Variants in VPS13D observed in about 807,000 individuals in gnomAD.
VPS13D encodes intermembrane lipid transfer protein VPS13D.
VPS13D carries 187 observed loss-of-function variants against 461.9 expected under a neutral mutation model. The ratio of observed to expected loss-of-function variants is 0.40; its 90% confidence interval spans 0.36 to 0.46. The LOEUF is 0.46. VPS13D is among the 20% of genes least tolerant of loss of function. VPS13D has a pLI of 0.60. For missense variants in VPS13D, 4,711 were observed against 5,364.9 expected, an observed-to-expected ratio of 0.88 and a Z score of 3.81; for synonymous variants, 1,951 against 1,986.3, an observed-to-expected ratio of 0.98 and a Z score of 0.47.
At position 12,338,281 on chromosome 1, in the gene VPS13D, C is replaced by T; in HGVS notation, c.8602C>T (p.Leu2868=). 14 of 1,613,740 alleles carry T rather than the reference C, an allele frequency of 8.7e-6. No homozygotes were observed. Among genetic ancestry groups the T allele is most frequent in the Non-Finnish European group, 1.2e-5 (14 of 1,179,748 alleles). The part of the protein sequence containing the change: ...RTRSTASLTN[L]EHQIYARAEV... ...TAGGAGTACAGCCAGTCTGACTAAC[C>T]TAGAGCACCAGATCTATGCTAGAGG... The change falls in exon 40 of 70, where the codon CTA becomes TTA. Residue 2868 remains leucine, a synonymous_variant. Transcript: ENST00000620676.
At chr1:12,238,724 T>G (rs939049513) in intron 2 of VPS13D, among the ~76,000 whole-genome samples, 3 of 151,796 alleles carry the variant, frequency 2.0e-5, no homozygotes, top group Non-Finnish European at 4.4e-5. Context: ...CTCGAACTTT[T>G]GGCGATCCTG....
chr1:12,393,038 G>A (rs910993148), intron 60 of VPS13D, among the ~76,000 whole-genome samples: 3 of 152,174 alleles, frequency 2.0e-5, no homozygotes, highest in Non-Finnish European at 4.4e-5. Flanking sequence ...GGGACCAAAC[G>A]CAGCAACACC....
chr1:12,500,383 GA>G (rs1236006007), intron 68 of VPS13D: 31 of 295,424 alleles, frequency 1.0e-4, no homozygotes, highest in African/African-American at 6.8e-4. Flanking sequence ...CCTATATGGT[GA>G]AATTAATTTT....
chr1:12,276,501 T>C lies in VPS13D; in HGVS notation c.2913T>C (p.Asn971=), dbSNP rs1557680231. ...VNCMQLGVES[N]GRYISVLKVF... ...GTATGCAGCTTGGTGTTGAGAGCAA[T>C]GGCCGGTACATTTCTGTGCTCAAGG... is the stretch of plus-strand genomic sequence containing the variant. Residue 971 remains asparagine (N), a synonymous_variant, in exon 19 of 70, where the codon AAT becomes AAC. Coordinates refer to ENST00000620676, the MANE Select transcript of VPS13D (RefSeq NM_015378.4). This position sits in a 1 kb window ranked among gnomAD's most constrained non-coding sequence, Gnocchi z 4.5. 2 of 1,614,140 alleles carry C rather than the reference T, an allele frequency of 1.2e-6. No individual in the cohort carries two copies. Among genetic ancestry groups the C allele is most frequent in the African/African-American group, 2.7e-5 (2 of 75,034 alleles).
At chr1:12,447,046 G>A (rs999713690) in intron 65 of VPS13D, among the ~76,000 whole-genome samples, 2 of 152,136 alleles carry the variant, frequency 1.3e-5, no homozygotes, top group African/African-American at 4.8e-5. Context: ...TCTGAGTTAC[G>A]GATATGGATC....
intron 58 of VPS13D, among the ~76,000 whole-genome samples, chr1:12,384,360 A>C (rs1485811497): frequency 6.6e-6 from 1 of 152,214 alleles, no homozygotes; most frequent in Non-Finnish European, 1.5e-5. Flanking sequence ...CAGATCACTA[A>C]GGGATGAACA....
At chr1:12,414,497 T>C (rs981480928) in intron 63 of VPS13D, among the ~76,000 whole-genome samples, 1 of 139,188 alleles carries the variant, frequency 7.2e-6, no homozygotes, top group Admixed American at 7.0e-5. Context: ...ATGTTGTCTA[T>C]GAGAAGCCAC....
Position 12,341,865 on chromosome 1 carries a change from C to T in VPS13D, c.8712C>T (p.Thr2904=). ...CGGGGTGCACTTTGTGGTTTGCCACCCTGACCACCACACCCACCAGGTAAG... is the reference window on the plus strand; with the variant it reads ...CGGGGTGCACTTTGTGGTTTGCCACTCTGACCACCACACCCACCAGGTAAG... ...NHTGCTLWFA[T]LTTTPTRAAL... is the part of the protein sequence containing the mutation. The change falls in exon 41 of 70, where the codon ACC becomes ACT. Residue 2904 remains threonine (T), a synonymous_variant. Coordinates refer to ENST00000620676, the MANE Select transcript of VPS13D (RefSeq NM_015378.4). 6 of 1,614,006 alleles carry T rather than the reference C, an allele frequency of 3.7e-6. No homozygotes were observed. The highest frequency in any genetic ancestry group is 5.1e-6 in the Non-Finnish European group (6 of 1,179,974).
In VPS13D at chr1:12,373,843, C is replaced by A; in HGVS notation, c.10902C>A (p.Val3634=). 3.7e-6 allele frequency: 6 copies of A among 1,605,360 alleles called. No individual in the cohort carries two copies. The South Asian group carries it at 5.5e-5, about 15-fold the overall frequency. The change falls in exon 55 of 70, where the codon GTC becomes GTA. Residue 3634 remains valine (V), a synonymous_variant. Transcript: ENST00000620676. The stretch of plus-strand genomic sequence containing the variant: ...ATGTCTCACCCAAGACACAAAGAGT[C>A]ATTTTAAAAAAGAAGGTAAGAGAGC... ...VLDVSPKTQR[V]ILKKKEPGKR...
chr1:12,363,445 T>C (rs1305653953), intron 52 of VPS13D, among the ~76,000 whole-genome samples, 198 bp downstream of exon 52: 1 of 152,168 alleles, frequency 6.6e-6, no homozygotes, highest in East Asian at 1.9e-4. Context: ...TTGACCATGG[T>C]GTAATTGCTG....
In VPS13D at chr1:12,283,408, A is replaced by G. The variant is rs954626231; in HGVS notation, c.5306A>G (p.Asp1769Gly). 1 of 1,614,096 alleles carries G rather than the reference A, an allele frequency of 6.2e-7. No homozygotes were observed. Among genetic ancestry groups the G allele is most frequent in the Non-Finnish European group, 8.5e-7 (1 of 1,180,040 alleles). ...ACCCCACCTCCTTCTCCAACAGTGG[A>G]TGAGCCCAAGATACTTGTTGGAAAG... ...PLTPPPSPTVDEPKILVGKSK... is the reference protein window; with the variant it reads ...PLTPPPSPTVGEPKILVGKSK... Residue 1769 changes from aspartate to glycine, a missense_variant, in exon 21 of 70, where the codon GAT (aspartate) becomes GGT (glycine). This residue lies in a region of VPS13D where 4,411 missense variants were observed against 4,937.8 expected (regional missense o/e 0.89). Transcript: ENST00000620676.
intron 52 of VPS13D, among the ~76,000 whole-genome samples, chr1:12,363,953 A>C (rs1356727431): frequency 1.4e-4 from 1 of 7,076 alleles, no homozygotes; most frequent in African/African-American, 3.2e-4. Context: ...CTCTATCTCA[A>C]AAAAAAAAAA....
intron 44 of VPS13D, among the ~76,000 whole-genome samples, chr1:12,347,765 T>C (rs1643707360): frequency 6.6e-6 from 1 of 152,234 alleles, no homozygotes; most frequent in Admixed American, 6.5e-5. Context: ...TAAAAAGCAT[T>C]GTTAATATGT....
chr1:12,347,449 T>C (rs1349098612), intron 44 of VPS13D, among the ~76,000 whole-genome samples: 1 of 152,162 alleles, frequency 6.6e-6, no homozygotes, highest in East Asian at 1.9e-4. Context: ...GGATTACAGG[T>C]GTGAGCCAAC....
intron 28 of VPS13D, 90 bp from the exon 29 acceptor site, chr1:12,311,723 A>T (rs1642756497): frequency 3.8e-6 from 6 of 1,581,762 alleles, no homozygotes; most frequent in Non-Finnish European, 5.2e-6. Context: ...AAGAAGGTGG[A>T]GCAACAAGCA....
intron 16 of VPS13D, among the ~76,000 whole-genome samples, chr1:12,270,623 C>CG (rs1052312099): frequency 2.6e-5 from 4 of 152,168 alleles, no homozygotes; most frequent in African/African-American, 9.7e-5. Flanking sequence ...CCTCCTCTCC[C>CG]CCCATGGCTG....
rs182812306 is a variant in VPS13D, at chr1:12,326,361, T to G, written c.7991-1287T>G. On this transcript the variant is annotated intron_variant, in intron 35 of 69. Coordinates refer to ENST00000620676, the MANE Select transcript of VPS13D (RefSeq NM_015378.4). The stretch of plus-strand genomic sequence containing the variant: ...TTTTTTTAATTTTAGATACTGGGTT[T>G]TGCTCTGTTACCCAGGCTGGAGTGT... Among the ~76,000 whole-genome samples the G allele has an allele frequency of 9.3e-5, 14 of 150,694 alleles. No individual in the cohort carries two copies. The East Asian group carries it at 2.1e-3, about 23-fold the overall frequency.
chr1:12,343,122 C>CT, intron 42 of VPS13D, 71 bp downstream of exon 42: 1 of 1,300,380 alleles, frequency 7.7e-7, no homozygotes, highest in Non-Finnish European at 1.0e-6. Context: ...AGTGTTTTGT[C>CT]TTTTTACTTT....
At chr1:12,349,411 CTTT>C in intron 46 of VPS13D, 37 bp downstream of exon 46, 7 of 1,419,792 alleles carry the variant, frequency 4.9e-6, no homozygotes, top group Non-Finnish European at 6.7e-6. Context: ...TCACTTTTGC[CTTT>C]TTTTTTTCTT....
Sources: gnomAD v4.1 joint callset for allele counts (sites outside exome capture counted in the v4.1 genomes callset) on GRCh38, gnomAD v4.1.1 for gene constraint, gnomAD v4.1.1 regional missense constraint, Gnocchi (gnomAD v3.1) non-coding constraint, MANE v1.5 for transcripts, NCBI Gene and HGNC (gene_info 2026-07-23, HGNC 2026-07-21) for gene names.